Variants in KRT31 observed in about 807,000 individuals in gnomAD.
KRT31 encodes the protein keratin 31.
In KRT31, 27 loss-of-function variants were observed where a neutral mutation model predicts 40.8. The ratio of observed to expected loss-of-function variants is 0.66; its 90% CI spans 0.49 to 0.91. KRT31 has a LOEUF of 0.91. KRT31 is among the 40% of genes least tolerant of loss of function. The probability of loss-of-function intolerance (pLI) is 0.00; values close to 1 mark genes in which losing one functional copy is unlikely to be tolerated. For synonymous variants in KRT31, 231 were observed against 231.9 expected, an observed-to-expected ratio of 1.00 and a Z score of 0.03; for missense variants, 510 against 544.1, an observed-to-expected ratio of 0.94 and a Z score of 0.62.
chr17:41,397,068 A>G, intron 1 of KRT31, 73 bp from the exon 2 acceptor site: 3 of 1,582,156 alleles, frequency 1.9e-6, no homozygotes, highest in Middle Eastern at 3.4e-4. Context: ...AAATGACTTA[A>G]GCCATTTTGA....
Position 41,395,237 on chromosome 17 carries a change from A to G in KRT31, c.876+8T>C. 1.2e-6 allele frequency: 2 copies of G among 1,612,728 alleles called. No individual in the cohort carries two copies. Among genetic ancestry groups the G allele is most frequent in the Non-Finnish European group, 1.7e-6 (2 of 1,180,042 alleles). On this transcript the variant is annotated splice_region_variant and intron_variant, in intron 5 of 6. Coordinates refer to ENST00000251645, the MANE Select transcript of KRT31 (RefSeq NM_002277.3). ...CGTCGCTCACCAGCAGGTCTGAACA[A>G]TACACACCAGGTTGTGCTGGGCCTG...
At chr17:41,396,709 G>T in intron 2 of KRT31, 133 bp from the exon 3 acceptor site, 1 of 1,103,204 alleles carries the variant, frequency 9.1e-7, no homozygotes, top group South Asian at 1.6e-5. Context: ...GTTTCTGGAG[G>T]CTCCATCAAT....
rs753796682 is a variant in KRT31, at chr17:41,395,393, G to A, written c.751-23C>T. 5.6e-6 allele frequency: 9 copies of A among 1,614,026 alleles called. No individual in the cohort carries two copies. In the East Asian group the frequency reaches 2.0e-4, roughly 36 times the overall value. On this transcript the variant is annotated intron_variant, in intron 4 of 6. Transcript: ENST00000251645. ...GGTCTGAAACACCCAAGGGGAGAAA[G>A]GATCAGACCCTGCCTCCGGGGCCCT...
intron 6 of KRT31, 53 bp from the exon 7 acceptor site, chr17:41,394,222 A>G: frequency 1.9e-6 from 3 of 1,596,028 alleles, no homozygotes; most frequent in Non-Finnish European, 2.6e-6. Flanking sequence ...TTTTAAAATC[A>G]TATGCCAGAG....
In KRT31 at chr17:41,395,280, C is replaced by T. The variant is rs151023228; in HGVS notation, c.841G>A (p.Ala281Thr). The change falls in exon 5 of 7, where the codon GCC becomes ACC. Residue 281 changes from alanine (A) to threonine (T), a missense_variant. Transcript: ENST00000251645. ...EIIELRRTVN[A>T]LEIELQAQHN... is the part of the protein sequence containing the mutation. ...TGGGCCTGCAGCTCGATCTCCAGGG[C>T]GTTGACTGTGCGTCTCAGCTCGATG... 61 of 1,612,992 alleles carry T rather than the reference C, an allele frequency of 3.8e-5. No individual in the cohort carries two copies. Among genetic ancestry groups the T allele is most frequent in the South Asian group, 5.5e-5 (5 of 91,024 alleles).
chr17:41,397,168 G>T, intron 1 of KRT31, 24 bp downstream of exon 1: 1 of 1,609,412 alleles, frequency 6.2e-7, no homozygotes, highest in Middle Eastern at 1.7e-4. Flanking sequence ...TCTCTTGCTT[G>T]GAGATGACAG....
intron 3 of KRT31, among the ~76,000 whole-genome samples, chr17:41,396,217 T>C (rs780077884): frequency 6.6e-6 from 1 of 152,090 alleles, no homozygotes; most frequent in Non-Finnish European, 1.5e-5. Context: ...ACTCAAATAA[T>C]GTGCTAGTTT....
At chr17:41,395,723 A>C (rs1485566339) in intron 3 of KRT31, 100 bp from the exon 4 acceptor site, 14 of 1,409,862 alleles carry the variant, frequency 9.9e-6, no homozygotes, top group Non-Finnish European at 1.2e-5. Context: ...TTTTCTCGGA[A>C]AAGAAACTTT....
rs776455564 is a variant in KRT31 at position 41,397,382 on chromosome 17, T to C, written c.158A>G (p.Asn53Ser). The change falls in exon 1 of 7, where the codon AAT becomes AGT. Residue 53 changes from asparagine (N) to serine (S), a missense_variant. By Grantham distance (46) the Asn-to-Ser change is conservative. Coordinates refer to ENST00000251645, the MANE Select transcript of KRT31 (RefSeq NM_002277.3). ...CTGCATAGTCTCCTTCTCGCTACCA[T>C]TGAAGGAGCCCTCGCAGAACCAGTT... ...NCNWFCEGSFNGSEKETMQFL... is the reference protein window; with the variant it reads ...NCNWFCEGSFSGSEKETMQFL... The C allele has an allele frequency of 3.7e-6, 6 of 1,613,062 alleles. No homozygotes were observed. The highest frequency in any genetic ancestry group is 1.3e-5 in the African/African-American group (1 of 75,020).
intron 1 of KRT31, 28 bp downstream of exon 1, chr17:41,397,164 G>A (rs769459099): frequency 1.9e-6 from 3 of 1,608,738 alleles, no homozygotes; most frequent in Non-Finnish European, 2.6e-6. Flanking sequence ...AAACTCTCTT[G>A]CTTGGAGATG....
At chr17:41,394,754 AT>A (rs2018188148) in intron 6 of KRT31, 93 bp downstream of exon 6, 1 of 1,570,812 alleles carries the variant, frequency 6.4e-7, no homozygotes, top group East Asian at 2.3e-5. Context: ...TGAAGGCATA[AT>A]TTCCTTTCCA....
At chr17:41,394,265 G>A in intron 6 of KRT31, 96 bp from the exon 7 acceptor site, 1 of 1,324,838 alleles carries the variant, frequency 7.5e-7, no homozygotes. Flanking sequence ...CTGGGTCAAG[G>A]GACTTGACCT....
At position 41,395,226 on chromosome 17, in the gene KRT31, A is replaced by C. The variant is rs2018201994; in HGVS notation, c.876+19T>G. 6.2e-7 allele frequency: 1 copy of C among 1,612,592 alleles called. No individual in the cohort carries two copies. Among genetic ancestry groups the C allele is most frequent in the Non-Finnish European group, 8.5e-7 (1 of 1,179,910 alleles). ...TCCCAAGTTCCCGTCGCTCACCAGCAGGTCTGAACAATACACACCAGGTTG... is the reference window on the plus strand; with the variant it reads ...TCCCAAGTTCCCGTCGCTCACCAGCCGGTCTGAACAATACACACCAGGTTG... On this transcript the variant is annotated intron_variant, in intron 5 of 6. Coordinates refer to ENST00000251645, the MANE Select transcript of KRT31 (RefSeq NM_002277.3).
Position 41,394,887 on chromosome 17 carries a change from A to G in KRT31, c.1058T>C (p.Ile353Thr), listed in dbSNP as rs1188689961. The G allele has an allele frequency of 6.2e-7, 1 of 1,613,980 alleles. No homozygotes were observed. The highest frequency in any genetic ancestry group is 2.2e-5 in the East Asian group (1 of 44,892). ...LDVRARLECE[I>T]NTYRSLLESE... ...CTCCAGCAGGCTCCGGTATGTGTTG[A>G]TCTCACACTCCAGCCGGGCACGCAC... Residue 353 changes from isoleucine (I) to threonine (T), a missense_variant, in exon 6 of 7, where the codon ATC (isoleucine) becomes ACC (threonine). Physicochemically the swap from Ile to Thr is moderately conservative, Grantham distance 89 (BLOSUM62 -1). Coordinates refer to ENST00000251645, the MANE Select transcript of KRT31 (RefSeq NM_002277.3).
Position 41,396,931 on chromosome 17 carries a change from G to A in KRT31, c.413C>T (p.Ala138Val), listed in dbSNP as rs200375490. The A allele has an allele frequency of 4.7e-5, 76 of 1,613,828 alleles. No homozygotes were observed. Among genetic ancestry groups the A allele is most frequent in the Non-Finnish European group, 5.4e-5 (64 of 1,179,740 alleles). ...VVQIDNAKLAADDFRTKYQTE... is the reference protein window; with the variant it reads ...VVQIDNAKLAVDDFRTKYQTE... ...AACTCACTTGGTTCTGAAATCATCCGCAGCCAGCTTGGCGTTGTCGATCTG... is the reference window on the plus strand; with the variant it reads ...AACTCACTTGGTTCTGAAATCATCCACAGCCAGCTTGGCGTTGTCGATCTG... The change falls in exon 2 of 7, where the codon GCG becomes GTG. Residue 138 changes from alanine to valine, a missense_variant. Physicochemically the swap from Ala to Val is moderately conservative, Grantham distance 64 (BLOSUM62 0). Transcript: ENST00000251645.
chr17:41,394,590 A>G (rs1034978621), intron 6 of KRT31, among the ~76,000 whole-genome samples: 3 of 152,250 alleles, frequency 2.0e-5, no homozygotes, highest in African/African-American at 4.8e-5. Flanking sequence ...CATTGATCAC[A>G]TATCATGCAG....
Position 41,393,981 on chromosome 17 carries a change from C to T in KRT31, c.*35G>A, listed in dbSNP as rs2018175362. On this transcript the variant is annotated 3_prime_UTR_variant, in exon 7 of 7. Transcript: ENST00000251645. ...CAGGTCACAGCTCTGGAGTCCTGGG[C>T]CCTGCATCCTTGCTCCTCTGGCATT... 1 of 1,605,850 alleles carries T rather than the reference C, an allele frequency of 6.2e-7. No homozygotes were observed. The highest frequency in any genetic ancestry group is 8.5e-7 in the Non-Finnish European group (1 of 1,177,504).
rs2018172881 is a variant in KRT31 at position 41,393,833 on chromosome 17, T to C, written c.*183A>G. The C allele has an allele frequency of 1.7e-6, 1 of 584,860 alleles. No homozygotes were observed. The allele number at this position is 584,860 out of a possible 1,614,324, so 36.2% of individuals were successfully genotyped here. On this transcript the variant is annotated 3_prime_UTR_variant, in exon 7 of 7. Transcript: ENST00000251645. The stretch of plus-strand genomic sequence containing the variant: ...GAACAGACCCCCAGGAAGGAAAGGG[T>C]GAGCAGGACAGTCTGGAGTAGTTGG...
rs750380476 is a variant in KRT31, at chr17:41,397,212, T to A, written c.328A>T (p.Ile110Phe). 2 of 1,614,046 alleles carry A rather than the reference T, an allele frequency of 1.2e-6. No individual in the cohort carries two copies. The highest frequency in any genetic ancestry group is 2.2e-5 in the East Asian group (1 of 44,886). ...CPSYQSYFKT[I>F]EELQQKILCT... The stretch of plus-strand genomic sequence containing the variant: ...CTCACCTTCTGCTGGAGCTCCTCAA[T>A]GGTCTTAAAATAGGACTGGTAACTG... The change falls in exon 1 of 7, where the codon ATT (isoleucine) becomes TTT (phenylalanine). Residue 110 changes from isoleucine to phenylalanine, a missense_variant. Transcript: ENST00000251645.
Sources: gnomAD v4.1 joint callset for allele counts (sites outside exome capture counted in the v4.1 genomes callset) on GRCh38, gnomAD v4.1.1 for gene constraint, MANE v1.5 for transcripts, NCBI Gene and HGNC (gene_info 2026-07-23, HGNC 2026-07-21) for gene names.